Variants in UTS2 observed in about 807,000 individuals in gnomAD.
UTS2 encodes the protein urotensin-2.
In UTS2, 10 loss-of-function variants were observed where a neutral mutation model predicts 12.6. The observed-to-expected ratio is 0.80, with a 90% CI of 0.49 to 1.35. The LOEUF (loss-of-function observed/expected upper bound fraction) is 1.35. Ranked by LOEUF, UTS2 falls within the 40% of genes most tolerant of loss-of-function variation. The pLI is 0.00. For synonymous variants in UTS2, 52 were observed against 50.0 expected (o/e 1.04, Z -0.17); for missense variants, 142 against 143.2 (o/e 0.99, Z 0.04).
chr1:7,909,690 G>A, the UTS2 span, among the ~76,000 whole-genome samples: 7 of 151,490 alleles, frequency 4.6e-5, no homozygotes, highest in African/African-American at 7.3e-5. Flanking sequence ...GCACAATCTC[G>A]GCTCACTGCA....
chr1:7,868,571 C>T, the UTS2 span, among the ~76,000 whole-genome samples: 1 of 152,160 alleles, frequency 6.6e-6, no homozygotes, highest in African/African-American at 2.4e-5. Flanking sequence ...CCACAGTCCA[C>T]AAGCCTGTCT....
upstream of UTS2, among the ~76,000 whole-genome samples, chr1:7,855,263 A>G (rs1403211860): frequency 6.6e-6 from 1 of 152,158 alleles, no homozygotes; most frequent in African/African-American, 2.4e-5. Context: ...AAAATTAGAA[A>G]CATTTGCTCA....
At chr1:7,859,441 T>C in the UTS2 span, among the ~76,000 whole-genome samples, 6 of 151,962 alleles carry the variant, frequency 3.9e-5, no homozygotes, top group African/African-American at 1.2e-4. Context: ...GGGAGAATGG[T>C]GGGGACTTCA....
chr1:7,894,462 C>A, the UTS2 span, among the ~76,000 whole-genome samples: 1 of 152,232 alleles, frequency 6.6e-6, no homozygotes, highest in Non-Finnish European at 1.5e-5. Context: ...GCATGAACCA[C>A]CGTGCCCGAC....
the UTS2 span, among the ~76,000 whole-genome samples, chr1:7,898,166 CA>C: frequency 3.3e-5 from 5 of 151,954 alleles, no homozygotes; most frequent in Non-Finnish European, 7.4e-5. Context: ...TTTTTCTTGT[CA>C]TAAGTTACTG....
chr1:7,900,496 G>A, the UTS2 span, among the ~76,000 whole-genome samples: 8 of 152,162 alleles, frequency 5.3e-5, no homozygotes, highest in Non-Finnish European at 1.2e-4. Flanking sequence ...TTTTGTTTTG[G>A]CCAGGTGTGG....
rs1299748309 is a variant in UTS2 at position 7,849,627 on chromosome 1, TAG to T, written c.258+11_258+12del. On this transcript the variant is annotated intron_variant, in intron 3 of 3. Coordinates refer to ENST00000361696, the MANE Select transcript of UTS2 (RefSeq NM_006786.4). ...CACCTTTTTAAACCTAACTCATAAA[TAG>T]AGTCACTTACCTTTCTCAAATTTCC... 2 of 1,605,064 alleles carry T rather than the reference TAG, an allele frequency of 1.2e-6. No homozygotes were observed. The highest frequency in any genetic ancestry group is 1.7e-5 in the Admixed American group (1 of 57,314).
chr1:7,885,861 G>A, the UTS2 span, among the ~76,000 whole-genome samples: 4 of 139,878 alleles, frequency 2.9e-5, no homozygotes, highest in Admixed American at 1.4e-4. Context: ...GAGAGGCAAG[G>A]AGGGGCTTAT....
the UTS2 span, among the ~76,000 whole-genome samples, chr1:7,887,367 G>A: frequency 6.6e-6 from 1 of 152,070 alleles, no homozygotes; most frequent in Non-Finnish European, 1.5e-5. Context: ...CTGGACTTGG[G>A]CACATGTTTA....
chr1:7,874,356 G>A, the UTS2 span, among the ~76,000 whole-genome samples: 1 of 152,186 alleles, frequency 6.6e-6, no homozygotes, highest in African/African-American at 2.4e-5. Context: ...AGCAGCTGCA[G>A]CACAGCACCA....
the UTS2 span, among the ~76,000 whole-genome samples, chr1:7,904,436 C>G: frequency 1.3e-5 from 2 of 151,534 alleles, no homozygotes; most frequent in East Asian, 3.9e-4. Flanking sequence ...ATGATTGTGC[C>G]ACTGCACTCC....
At chr1:7,848,601 A>G (rs1578023146) in intron 3 of UTS2, among the ~76,000 whole-genome samples, 1 of 148,154 alleles carries the variant, frequency 6.7e-6, no homozygotes, top group African/African-American at 2.5e-5. Flanking sequence ...TCTCACTGCA[A>G]CCCCCGCCTC....
At chr1:7,868,874 T>G in the UTS2 span, among the ~76,000 whole-genome samples, 2 of 152,122 alleles carry the variant, frequency 1.3e-5, no homozygotes, top group Non-Finnish European at 2.9e-5. Context: ...CATGATGGGA[T>G]TAGTGCCCTT....
the UTS2 span, among the ~76,000 whole-genome samples, chr1:7,861,041 CAAAAA>C: frequency 1.3e-5 from 1 of 74,762 alleles, no homozygotes. Flanking sequence ...GGCCTTATCT[CAAAAA>C]AAAAAAAAAA....
upstream of UTS2, among the ~76,000 whole-genome samples, chr1:7,858,120 T>G (rs1211642006): frequency 1.3e-5 from 2 of 152,188 alleles, no homozygotes; most frequent in Non-Finnish European, 2.9e-5. Flanking sequence ...CTGACAGTTA[T>G]TAGTGATGGT....
chr1:7,849,545 CA>C (rs1304069096), intron 3 of UTS2, 94 bp downstream of exon 3: 1 of 1,156,994 alleles, frequency 8.6e-7, no homozygotes, highest in African/African-American at 1.6e-5. Flanking sequence ...TGGTTTCCAC[CA>C]AGAACACTCC....
At chr1:7,905,480 C>T in the UTS2 span, among the ~76,000 whole-genome samples, 4 of 148,894 alleles carry the variant, frequency 2.7e-5, no homozygotes, top group Admixed American at 1.3e-4. Context: ...AAAGTAATTG[C>T]GGTTTTTGCC....
At chr1:7,863,301 G>A in the UTS2 span, among the ~76,000 whole-genome samples, 50 of 151,922 alleles carry the variant, frequency 3.3e-4, no homozygotes, top group Admixed American at 7.2e-4. Context: ...AGTAGAGACA[G>A]GGTTTCTCCA....
upstream of UTS2, chr1:7,853,543 A>G (rs1638220803): frequency 2.8e-6 from 4 of 1,442,384 alleles, no homozygotes; most frequent in Admixed American, 8.9e-5. Context: ...TTTCCTTTAA[A>G]ACAGTGAAAA....
Sources: allele counts gnomAD v4.1 joint callset (sites outside exome capture counted in the v4.1 genomes callset), GRCh38; gene constraint gnomAD v4.1.1; transcripts MANE v1.5; gene names NCBI Gene and HGNC (gene_info 2026-07-23, HGNC 2026-07-21).